TBX19: variants seen among roughly 807,000 people sequenced by gnomAD.
The protein encoded by TBX19 is T-box transcription factor TBX19.
A neutral mutation model predicts 40.9 loss-of-function variants in TBX19; 33 were observed. The ratio of observed to expected loss-of-function variants is 0.81; its 90% CI spans 0.61 to 1.08. TBX19 has a LOEUF of 1.08. Among genes scored for constraint, TBX19 ranks in the 50% least tolerant of loss-of-function variants. The pLI is 0.00. For missense variants in TBX19, 494 were observed against 574.0 expected, an observed-to-expected ratio of 0.86 and a Z score of 1.42; for synonymous variants, 220 against 225.0, an observed-to-expected ratio of 0.98 and a Z score of 0.20.
rs1572478263 is a variant in TBX19, at chr1:168,297,549, G to A, written c.604-175G>A. 1.0e-5 allele frequency: 7 copies of A among 703,212 alleles called. No homozygotes were observed. In the East Asian group the frequency reaches 1.9e-4, roughly 19 times the overall value. The allele number at this position is 703,212 out of a possible 1,614,324, so 43.6% of individuals were successfully genotyped here. On this transcript the variant is annotated intron_variant, in intron 3 of 7. Transcript: ENST00000367821. The stretch of plus-strand genomic sequence containing the variant: ...GTGATTAAGTGCTGGAGTAAGCAAA[G>A]ATGGAAAGGGCCTCTGCCTCTCAGA...
At chr1:168,293,367 G>C (rs528773959) in intron 3 of TBX19, 89 bp downstream of exon 3, 1 of 1,469,856 alleles carries the variant, frequency 6.8e-7, no homozygotes, top group Non-Finnish European at 9.1e-7. Context: ...GGCGGGGGGG[G>C]TCCTTTTAGA....
chr1:168,294,722 G>T (rs1409164611), intron 3 of TBX19, among the ~76,000 whole-genome samples: 1 of 152,062 alleles, frequency 6.6e-6, no homozygotes, highest in African/African-American at 2.4e-5. Context: ...GGCAGGTCTC[G>T]AACTCCTGAC....
chr1:168,284,885 A>T (rs1648769505), intron 1 of TBX19, among the ~76,000 whole-genome samples: 1 of 151,808 alleles, frequency 6.6e-6, no homozygotes, highest in Non-Finnish European at 1.5e-5. Flanking sequence ...AAGAGGTGGG[A>T]ATTACTAAGT....
intron 1 of TBX19, among the ~76,000 whole-genome samples, chr1:168,287,097 A>G (rs1648823373): frequency 6.6e-6 from 1 of 152,232 alleles, no homozygotes; most frequent in African/African-American, 2.4e-5. Flanking sequence ...ACGAAAAGTC[A>G]TGCTACACTC....
chr1:168,312,657 T>C, intron 7 of TBX19, 51 bp from the exon 8 acceptor site: 1 of 1,585,012 alleles, frequency 6.3e-7, no homozygotes, highest in Non-Finnish European at 8.6e-7. Context: ...TGGCACTCCT[T>C]CCTTGGAGTG....
intron 7 of TBX19, among the ~76,000 whole-genome samples, chr1:168,312,070 C>T (rs1471323070): frequency 6.6e-6 from 1 of 152,214 alleles, no homozygotes. Context: ...CACCAGAGCT[C>T]ACAGGCGGAG....
chr1:168,297,832 A>G, intron 4 of TBX19, 47 bp downstream of exon 4: 1 of 1,462,958 alleles, frequency 6.8e-7, no homozygotes, highest in Non-Finnish European at 9.5e-7. Context: ...TGATTTATGC[A>G]AATACAAATG....
chr1:168,297,200 T>C (rs1649133936), intron 3 of TBX19, among the ~76,000 whole-genome samples: 1 of 152,188 alleles, frequency 6.6e-6, no homozygotes, highest in Non-Finnish European at 1.5e-5. Context: ...ATAGTTTGCT[T>C]TTTGCATTGA....
rs553514118 is a variant in TBX19, at chr1:168,294,721, C to T, written c.603+1443C>T. Among the ~76,000 whole-genome samples, 7 of 152,184 alleles carry T rather than the reference C, an allele frequency of 4.6e-5. No homozygotes were observed. In the East Asian group the frequency reaches 5.8e-4, roughly 13 times the overall value. ...TTCACTATGTTGGCCAGGCAGGTCT[C>T]GAACTCCTGACCTCAGGTGATCCAT... On this transcript the variant is annotated intron_variant, in intron 3 of 7. Transcript: ENST00000367821.
At chr1:168,312,665 G>T in intron 7 of TBX19, 43 bp from the exon 8 acceptor site, 1 of 1,601,126 alleles carries the variant, frequency 6.2e-7, no homozygotes. Context: ...CTTCCTTGGA[G>T]TGCCAGTGAA....
At chr1:168,285,446 C>G (rs1648781325) in intron 1 of TBX19, among the ~76,000 whole-genome samples, 1 of 152,240 alleles carries the variant, frequency 6.6e-6, no homozygotes, top group Non-Finnish European at 1.5e-5. Flanking sequence ...CTCTGCCCCT[C>G]TTTCTTCTTG....
At chr1:168,298,789 TCTC>T (rs1649182353) in intron 4 of TBX19, among the ~76,000 whole-genome samples, 1 of 16,622 alleles carries the variant, frequency 6.0e-5, no homozygotes, top group African/African-American at 2.3e-4. Flanking sequence ...CCCTCCCTCC[TCTC>T]CTCTCCTCCC....
intron 1 of TBX19, among the ~76,000 whole-genome samples, chr1:168,289,645 G>T (rs1049158631): frequency 2.0e-5 from 3 of 152,176 alleles, no homozygotes; most frequent in Non-Finnish European, 4.4e-5. Flanking sequence ...GCCTCATAAA[G>T]TTGTTGTGAA....
chr1:168,302,250 A>C (rs571091854), intron 5 of TBX19, among the ~76,000 whole-genome samples: 402 of 152,334 alleles, frequency 2.6e-3, no homozygotes, highest in Non-Finnish European at 4.2e-3. Flanking sequence ...TTGGGCCATA[A>C]GTTTGTGCAA....
Position 168,312,973 on chromosome 1 carries a change from C to T in TBX19, c.1318C>T (p.His440Tyr), listed in dbSNP as rs182020232. 6.2e-7 allele frequency: 1 copy of T among 1,614,234 alleles called. No individual in the cohort carries two copies. The highest frequency in any genetic ancestry group is 2.2e-5 in the East Asian group (1 of 44,888). Reference protein sequence around the residue: ...AGWGGPGAGGHHSPSSLDG With the variant: ...AGWGGPGAGGYHSPSSLDG ...CTGGGGTGGCCCAGGAGCGGGTGGG[C>T]ACCATTCTCCTTCCTCACTGGATGG... Residue 440 changes from histidine to tyrosine, a missense_variant, in exon 8 of 8, where the codon CAC becomes TAC. By Grantham distance (83) the His-to-Tyr change is moderately conservative. This residue lies in a region of TBX19 where 284 missense variants were observed against 307.3 expected (regional missense o/e 0.92). Transcript: ENST00000367821.
rs545484780 is a variant in TBX19, at chr1:168,281,307, C to T, written c.203+14C>T. 6.2e-7 allele frequency: 1 copy of T among 1,613,680 alleles called. No individual in the cohort carries two copies. The highest frequency in any genetic ancestry group is 8.5e-7 in the Non-Finnish European group (1 of 1,179,630). ...CAAGAATGGCAGGTGAGTTTATCTG[C>T]CGCCCCGCGTGGGCTGGCAGGGCTT... is the stretch of plus-strand genomic sequence containing the variant. On this transcript the variant is annotated intron_variant, in intron 1 of 7. Coordinates refer to ENST00000367821, the MANE Select transcript of TBX19 (RefSeq NM_005149.3).
At chr1:168,294,465 C>G (rs892672498) in intron 3 of TBX19, among the ~76,000 whole-genome samples, 1 of 151,822 alleles carries the variant, frequency 6.6e-6, no homozygotes, top group East Asian at 1.9e-4. Context: ...TTCCGAGTAG[C>G]TAGGATTACA....
At chr1:168,300,865 A>G (rs1360037356) in intron 5 of TBX19, among the ~76,000 whole-genome samples, 1 of 151,982 alleles carries the variant, frequency 6.6e-6, no homozygotes, top group African/African-American at 2.4e-5. Flanking sequence ...CTAATTTTGG[A>G]GTTGGTTCCC....
At chr1:168,306,418 G>C (rs1649404416) in intron 6 of TBX19, among the ~76,000 whole-genome samples, 1 of 152,074 alleles carries the variant, frequency 6.6e-6, no homozygotes, top group Non-Finnish European at 1.5e-5. Context: ...ACAAGATCAG[G>C]AGTTCGAGAG....
Sources: gnomAD v4.1 joint callset for allele counts (sites outside exome capture counted in the v4.1 genomes callset) on GRCh38, gnomAD v4.1.1 for gene constraint, gnomAD v4.1.1 regional missense constraint, MANE v1.5 for transcripts, NCBI Gene and HGNC (gene_info 2026-07-23, HGNC 2026-07-21) for gene names.